GRWD1: variants seen among roughly 807,000 people sequenced by gnomAD.
The protein encoded by GRWD1 is glutamate-rich WD repeat-containing protein 1.
GRWD1 carries 29 observed loss-of-function variants against 45.3 expected under a neutral mutation model. The observed-to-expected ratio is 0.64, with a 90% CI of 0.48 to 0.87. GRWD1 has a LOEUF of 0.87. Among genes scored for constraint, GRWD1 ranks in the 40% least tolerant of loss-of-function variants. The pLI is 0.00. For synonymous variants in GRWD1, 262 were observed against 257.6 expected (o/e 1.02, Z -0.16); for missense variants, 592 against 618.8 (o/e 0.96, Z 0.46).
Position 48,446,753 on chromosome 19 carries a change from A to G in GRWD1, c.378A>G (p.Glu126=), listed in dbSNP as rs140236860. ...CCTCAGAGGGCAGTGATGAAGAAGA[A>G]GAGGAGGAAGATGAAGAGGATGAAG... ...PPPSEGSDEE[E]EEEDEEDEEE... The change falls in exon 3 of 7, where the codon GAA becomes GAG. Residue 126 remains glutamate, a synonymous_variant. Transcript: ENST00000253237. 242 of 1,605,660 alleles carry G rather than the reference A, an allele frequency of 1.5e-4. No homozygotes were observed. Among genetic ancestry groups the G allele is most frequent in the Middle Eastern group, 3.4e-4 (2 of 5,956 alleles).
rs560475190 is a variant in GRWD1, at chr19:48,446,272, G to A, written c.187+80G>A. ...CCTGAGAGGTGCTCGGGAAGAGAAGGCTGGGGTCTAAGAGAAGTGATTTCA... is the reference window on the plus strand; with the variant it reads ...CCTGAGAGGTGCTCGGGAAGAGAAGACTGGGGTCTAAGAGAAGTGATTTCA... On this transcript the variant is annotated intron_variant, in intron 1 of 6. Coordinates refer to ENST00000253237, the MANE Select transcript of GRWD1 (RefSeq NM_031485.4). The A allele has an allele frequency of 1.5e-3, 2,379 of 1,564,782 alleles. 3 individuals carry two copies. Among genetic ancestry groups the A allele is most frequent in the Non-Finnish European group, 1.9e-3 (2,190 of 1,142,176 alleles).
rs375039080 is a variant in GRWD1, at chr19:48,450,423, G to A, written c.579G>A (p.Leu193=). ...AGGTGGTGGAGGAGCCCCAGGCCCT[G>A]GCAGCCTTCCTCCGGGATGAGCAGG... ...LLQVVEEPQA[L]AAFLRDEQAQ... Residue 193 remains leucine, a synonymous_variant, in exon 4 of 7, where the codon CTG becomes CTA. Transcript: ENST00000253237. The surrounding 1 kb of genome is among the most constrained non-coding windows in gnomAD (Gnocchi z 5.1). 1.2e-6 allele frequency: 2 copies of A among 1,614,086 alleles called. No homozygotes were observed. The highest frequency in any genetic ancestry group is 2.2e-5 in the South Asian group (2 of 91,082).
At chr19:48,447,299 G>A (rs1251215879) in intron 3 of GRWD1, among the ~76,000 whole-genome samples, 4 of 151,304 alleles carry the variant, frequency 2.6e-5, no homozygotes, top group African/African-American at 7.3e-5. Context: ...TAGACTGGAG[G>A]GCAATGGCAT....
chr19:48,447,677 G>A (rs957764907), intron 3 of GRWD1, among the ~76,000 whole-genome samples: 5 of 152,124 alleles, frequency 3.3e-5, no homozygotes, highest in Admixed American at 6.5e-5. Context: ...CACCACACCC[G>A]GCCTCCTTCA....
Position 48,452,991 on chromosome 19 carries a change from C to T in GRWD1, c.1307C>T (p.Ser436Leu). The stretch of plus-strand genomic sequence containing the variant: ...GGGCTCCTGGTCAGCACGGCGCTGT[C>T]AGGCTTCACCATCTTCCGCACCATC... ...CPGLLVSTAL[S>L]GFTIFRTISV Residue 436 changes from serine (S) to leucine (L), a missense_variant, in exon 7 of 7, where the codon TCA becomes TTA. Physicochemically the swap from Ser to Leu is moderately radical, Grantham distance 145. Coordinates refer to ENST00000253237, the MANE Select transcript of GRWD1 (RefSeq NM_031485.4). This position sits in a 1 kb window ranked among gnomAD's most constrained non-coding sequence, Gnocchi z 5.1. The T allele has an allele frequency of 6.3e-7, 1 of 1,596,978 alleles. No individual in the cohort carries two copies. Among genetic ancestry groups the T allele is most frequent in the South Asian group, 1.1e-5 (1 of 90,532 alleles).
chr19:48,453,271 T>C lies in GRWD1; in HGVS notation c.*246T>C, dbSNP rs1941477389. 4.5e-6 allele frequency: 2 copies of C among 446,190 alleles called. No individual in the cohort carries two copies. Among genetic ancestry groups the C allele is most frequent in the Non-Finnish European group, 8.0e-6 (2 of 250,870 alleles). The allele number at this position is 446,190 out of a possible 1,614,324, so 27.6% of individuals were successfully genotyped here. A position where few individuals can be genotyped will look rare whatever the true frequency, so the allele number is the denominator to read the frequency against. ...CCACCCAGAGACTTGTGTGGCCTGG[T>C]GTGGCCTGTGTGTCGGATTCCTTCC... On this transcript the variant is annotated 3_prime_UTR_variant, in exon 7 of 7. Transcript: ENST00000253237.
At chr19:48,449,780 C>CT (rs1464917750) in intron 3 of GRWD1, among the ~76,000 whole-genome samples, 2 of 152,132 alleles carry the variant, frequency 1.3e-5, no homozygotes, top group Non-Finnish European at 2.9e-5. Context: ...ATTATGGCAT[C>CT]ACTGCACTCC....
In GRWD1 at chr19:48,452,260, G is replaced by A. The variant is rs1042637048; in HGVS notation, c.1024-448G>A. ...GATTACAGGCATGTGACACCAGCCC[G>A]GCTAATTTTGTATTTTTAGTAGAGA... On this transcript the variant is annotated intron_variant, in intron 6 of 6. Transcript: ENST00000253237. This position sits in a 1 kb window ranked among gnomAD's most constrained non-coding sequence, Gnocchi z 5.1. Among the ~76,000 whole-genome samples, 8 of 151,794 alleles carry A rather than the reference G, an allele frequency of 5.3e-5. No homozygotes were observed. The highest frequency in any genetic ancestry group is 2.9e-5 in the Non-Finnish European group (2 of 67,962).
rs576960117 is a variant in GRWD1, at chr19:48,451,246, G to A, written c.1023+15G>A. Reference sequence around the variant, plus strand: ...GGCAGTTCAAGGTATTTTCCCAGCCGGACACCTGGGGGCTAGAGAAGCTTG... The same window carrying A: ...GGCAGTTCAAGGTATTTTCCCAGCCAGACACCTGGGGGCTAGAGAAGCTTG... On this transcript the variant is annotated intron_variant, in intron 6 of 6. Coordinates refer to ENST00000253237, the MANE Select transcript of GRWD1 (RefSeq NM_031485.4). The A allele has an allele frequency of 1.2e-5, 18 of 1,553,766 alleles. No individual in the cohort carries two copies. Among genetic ancestry groups the A allele is most frequent in the South Asian group, 5.9e-5 (5 of 84,112 alleles).
intron 3 of GRWD1, among the ~76,000 whole-genome samples, chr19:48,448,604 G>T (rs1010426627): frequency 2.6e-5 from 4 of 152,170 alleles, no homozygotes; most frequent in African/African-American, 9.7e-5. Context: ...TTTAAACAGT[G>T]TGGTTAGGAA....
At chr19:48,447,384 A>G (rs1393402551) in intron 3 of GRWD1, among the ~76,000 whole-genome samples, 1 of 152,080 alleles carries the variant, frequency 6.6e-6, no homozygotes, top group Admixed American at 6.6e-5. Flanking sequence ...CTGAGATTAC[A>G]GGTGCGCGCC....
intron 3 of GRWD1, among the ~76,000 whole-genome samples, chr19:48,449,226 T>A (rs1971443578): frequency 6.6e-6 from 1 of 152,124 alleles, no homozygotes; most frequent in South Asian, 2.1e-4. Flanking sequence ...CCTAAGTAGC[T>A]GGGATTACAG....
Position 48,450,418 on chromosome 19 carries a change from G to A in GRWD1, c.574G>A (p.Ala192Thr). 6.2e-7 allele frequency: 1 copy of A among 1,614,020 alleles called. No individual in the cohort carries two copies. The highest frequency in any genetic ancestry group is 8.5e-7 in the Non-Finnish European group (1 of 1,180,020). The change falls in exon 4 of 7, where the codon GCC (alanine) becomes ACC (threonine). Residue 192 changes from alanine to threonine, a missense_variant. By Grantham distance (58) the Ala-to-Thr change is moderately conservative. Coordinates refer to ENST00000253237, the MANE Select transcript of GRWD1 (RefSeq NM_031485.4). This position sits in a 1 kb window ranked among gnomAD's most constrained non-coding sequence, Gnocchi z 5.1. Reference protein sequence around the residue: ...RLLQVVEEPQALAAFLRDEQA... With the variant: ...RLLQVVEEPQTLAAFLRDEQA... ...TCTGCAGGTGGTGGAGGAGCCCCAG[G>A]CCCTGGCAGCCTTCCTCCGGGATGA... is the stretch of plus-strand genomic sequence containing the variant.
At chr19:48,449,363 A>G (rs1971445293) in intron 3 of GRWD1, among the ~76,000 whole-genome samples, 1 of 152,034 alleles carries the variant, frequency 6.6e-6, no homozygotes, top group South Asian at 2.1e-4. Flanking sequence ...AAGTGCTGGG[A>G]TTACAGGTGC....
rs139937408 is a variant in GRWD1 at position 48,447,893 on chromosome 19, T to C, written c.468+1050T>C. 9.7e-4 allele frequency among the ~76,000 whole-genome samples: 147 copies of C among 152,264 alleles called. 1 individual carries two copies. Among genetic ancestry groups the C allele is most frequent in the African/African-American group, 3.1e-3 (127 of 41,540 alleles). ...AACATATAGTGCCTAGAATAGCACC[T>C]GGTTGTAATATGAGGTATGTATTTT... On this transcript the variant is annotated intron_variant, in intron 3 of 6. Coordinates refer to ENST00000253237, the MANE Select transcript of GRWD1 (RefSeq NM_031485.4).
rs77586652 is a variant in GRWD1, at chr19:48,455,897, G to T, written c.*2872G>T. 0.018 allele frequency: 2,710 copies of T among 152,452 alleles called. 39 individuals are homozygous for T. Among genetic ancestry groups the T allele is most frequent in the East Asian group, 0.051 (262 of 5,174 alleles). 9.4% of individuals were successfully genotyped at this position (152,452 alleles called of 1,614,324 possible). On this transcript the variant is annotated 3_prime_UTR_variant, in exon 7 of 7. Transcript: ENST00000253237. ...TCTGAGAGTCCAGTGGGGGCTGTGG[G>T]CATGTCGGGAGCTCATCACGAGGCC...
intron 3 of GRWD1, among the ~76,000 whole-genome samples, chr19:48,449,071 T>A (rs1254691301): frequency 6.6e-6 from 1 of 151,832 alleles, no homozygotes; most frequent in Non-Finnish European, 1.5e-5. Context: ...GCAATAGACA[T>A]CATGAGAAGG....
chr19:48,452,700 C>T lies in GRWD1; in HGVS notation c.1024-8C>T, dbSNP rs375820372. On this transcript the variant is annotated splice_polypyrimidine_tract_variant and splice_region_variant and intron_variant, in intron 6 of 6. Transcript: ENST00000253237. The surrounding 1 kb of genome is among the most constrained non-coding windows in gnomAD (Gnocchi z 5.1). ...TCAGAGCCCGTTCCTCCCATCCTCT[C>T]CCTCTAGTCTGGTTCCCCAGTGGCC... The T allele has an allele frequency of 7.1e-6, 11 of 1,552,732 alleles. No individual in the cohort carries two copies. Among genetic ancestry groups the T allele is most frequent in the Middle Eastern group, 1.7e-4 (1 of 5,794 alleles).
chr19:48,450,989 G>T lies in GRWD1; in HGVS notation c.826-45G>T. On this transcript the variant is annotated intron_variant, in intron 5 of 6. Coordinates refer to ENST00000253237, the MANE Select transcript of GRWD1 (RefSeq NM_031485.4). The surrounding 1 kb of genome is among the most constrained non-coding windows in gnomAD (Gnocchi z 5.1). ...CCACCGCTGGCGCTTGGGCTTCACTGCGGGCTGGGGGGCATTGGGACCACT... is the reference window on the plus strand; with the variant it reads ...CCACCGCTGGCGCTTGGGCTTCACTTCGGGCTGGGGGGCATTGGGACCACT... 6.3e-7 allele frequency: 1 copy of T among 1,583,016 alleles called. No homozygotes were observed.
Sources: gnomAD v4.1 joint callset for allele counts (sites outside exome capture counted in the v4.1 genomes callset) on GRCh38, gnomAD v4.1.1 for gene constraint, Gnocchi (gnomAD v3.1) non-coding constraint, MANE v1.5 for transcripts, NCBI Gene and HGNC (gene_info 2026-07-23, HGNC 2026-07-21) for gene names.